Variants in DYM observed in about 807,000 individuals in gnomAD.
DYM encodes the protein dymeclin, also known as dyggve-Melchior-Clausen syndrome protein.
Under a neutral mutation model 93.1 loss-of-function variants are expected in DYM, and 78 were observed. The ratio of observed to expected loss-of-function variants is 0.84; its 90% CI spans 0.70 to 1.01. The LOEUF is 1.01. Among genes scored for constraint, DYM ranks in the 50% least tolerant of loss-of-function variants. DYM has a pLI of 0.00. For missense variants in DYM, 789 were observed against 845.0 expected, an observed-to-expected ratio of 0.93 and a Z score of 0.82; for synonymous variants, 321 against 319.7, an observed-to-expected ratio of 1.00 and a Z score of -0.04.
intron 3 of DYM, among the ~76,000 whole-genome samples, chr18:49,384,378 C>A (rs1474088391): frequency 6.8e-6 from 1 of 146,176 alleles, no homozygotes; most frequent in Non-Finnish European, 1.5e-5. Flanking sequence ...GTAATCCCAG[C>A]ACTTTGGGAG....
intron 8 of DYM, among the ~76,000 whole-genome samples, chr18:49,317,092 A>C (rs1055538017): frequency 2.0e-5 from 3 of 152,224 alleles, no homozygotes; most frequent in African/African-American, 2.4e-5. Flanking sequence ...TGGCTTGTCA[A>C]CTGTCACAAA....
chr18:49,352,869 G>T (rs541160373), intron 6 of DYM, among the ~76,000 whole-genome samples: 73 of 151,982 alleles, frequency 4.8e-4, no homozygotes, highest in Non-Finnish European at 8.8e-4. Context: ...TACATTACTG[G>T]GAGGGTCTGA....
chr18:49,258,839 CAGAGAGAGAGAGAGAGAGAGAGAGAGAG>C (rs61360021), intron 11 of DYM, among the ~76,000 whole-genome samples: 3 of 113,750 alleles, frequency 2.6e-5, no homozygotes, highest in South Asian at 6.3e-4. Flanking sequence ...CACACACACA[CAGAGAGAGAGAGAGAGAGAGAGAGAGAG>C]AGAGAGAGAG....
intron 17 of DYM, chr18:49,048,186 A>G (rs1425194746): frequency 6.6e-6 from 1 of 152,246 alleles, no homozygotes; most frequent in Admixed American, 6.5e-5. Context: ...TGGTCCTTAA[A>G]AAAAGAACCA....
At chr18:49,305,223 G>A (rs2061203991) in intron 8 of DYM, among the ~76,000 whole-genome samples, 1 of 151,804 alleles carries the variant, frequency 6.6e-6, no homozygotes, top group Admixed American at 6.6e-5. Flanking sequence ...TATTTGCCTG[G>A]CAAAACCCTA....
chr18:49,050,742 C>A (rs2072328398), intron 17 of DYM, among the ~76,000 whole-genome samples: 1 of 152,000 alleles, frequency 6.6e-6, no homozygotes, highest in Admixed American at 6.6e-5. Context: ...AAAGTGGCCT[C>A]TCTCGGCTCA....
At position 49,427,995 on chromosome 18, in the gene DYM, G is replaced by C. The variant is rs72642467; in HGVS notation, c.140+2260C>G. Among the ~76,000 whole-genome samples the C allele has an allele frequency of 4.0e-3, 615 of 152,254 alleles. 38 individuals are homozygous for C. The East Asian group carries it at 0.1, about 25-fold the overall frequency. On this transcript the variant is annotated intron_variant, in intron 2 of 17. Coordinates refer to ENST00000675505, the MANE Select transcript of DYM (RefSeq NM_001353214.3). ...GGTCCCAGCTACTCAGGAAGGTGAAGTGGAAGGATCACTTGAGCCCAGGAG... is the reference window on the plus strand; with the variant it reads ...GGTCCCAGCTACTCAGGAAGGTGAACTGGAAGGATCACTTGAGCCCAGGAG...
chr18:49,376,107 T>C (rs977408866), intron 5 of DYM, among the ~76,000 whole-genome samples: 1 of 152,158 alleles, frequency 6.6e-6, no homozygotes, highest in Non-Finnish European at 1.5e-5. Flanking sequence ...GCACTTCACG[T>C]TGTGATCATG....
At chr18:49,192,040 G>A (rs545470516) in intron 14 of DYM, among the ~76,000 whole-genome samples, 36 of 151,104 alleles carry the variant, frequency 2.4e-4, no homozygotes, top group Non-Finnish European at 4.0e-4. Context: ...GGGCTCAAGC[G>A]ATCCTCCTGC....
intron 14 of DYM, among the ~76,000 whole-genome samples, chr18:49,200,486 CATT>C (rs1235366839): frequency 1.3e-5 from 2 of 151,378 alleles, no homozygotes; most frequent in African/African-American, 2.4e-5. Flanking sequence ...TTTTCATAAA[CATT>C]ATGTCAAATG....
At chr18:49,316,126 A>G (rs2061917342) in intron 8 of DYM, among the ~76,000 whole-genome samples, 1 of 152,114 alleles carries the variant, frequency 6.6e-6, no homozygotes, top group Non-Finnish European at 1.5e-5. Context: ...TACTAAAAAT[A>G]CTAAAATTAG....
intron 6 of DYM, among the ~76,000 whole-genome samples, chr18:49,336,112 C>T (rs1302143041): frequency 1.3e-5 from 2 of 152,212 alleles, no homozygotes; most frequent in African/African-American, 4.8e-5. Flanking sequence ...TCGTGCCAGA[C>T]TGCAAATGTA....
intron 2 of DYM, among the ~76,000 whole-genome samples, chr18:49,399,034 G>A (rs1463303304): frequency 2.0e-5 from 3 of 152,148 alleles, no homozygotes; most frequent in Admixed American, 1.3e-4. Context: ...TGTAATCTTC[G>A]AAGCTGCTAA....
chr18:49,041,307 T>C lies in DYM; in HGVS notation c.*2748A>G, dbSNP rs2282545. 5.1e-4 allele frequency among the ~76,000 whole-genome samples: 78 copies of C among 152,300 alleles called. 1 individual carries two copies. In the East Asian group the frequency reaches 0.014, roughly 28 times the overall value. On this transcript the variant is annotated 3_prime_UTR_variant, in exon 18 of 18. Coordinates refer to ENST00000675505, the MANE Select transcript of DYM (RefSeq NM_001353214.3). ...TTAAAAGTAAATATTGTGGCAGAAG[T>C]CTTTGTTGATAAAATGACACAATGC...
At chr18:49,157,096 C>T (rs1005801077) in intron 15 of DYM, among the ~76,000 whole-genome samples, 1 of 151,970 alleles carries the variant, frequency 6.6e-6, no homozygotes, top group South Asian at 2.1e-4. Flanking sequence ...TCAGGAAGCA[C>T]CCTGGGAAGA....
intron 16 of DYM, among the ~76,000 whole-genome samples, chr18:49,113,871 T>C (rs1250038329): frequency 6.6e-6 from 1 of 152,244 alleles, no homozygotes; most frequent in Non-Finnish European, 1.5e-5. Flanking sequence ...TGGATGATAG[T>C]ATTCAACAAA....
intron 15 of DYM, among the ~76,000 whole-genome samples, chr18:49,129,015 C>T (rs140308236): frequency 6.6e-6 from 1 of 152,020 alleles, no homozygotes; most frequent in East Asian, 1.9e-4. Flanking sequence ...CTTCAGAGAC[C>T]TATGACGCTT....
chr18:49,239,168 C>A (rs886595097), intron 13 of DYM, among the ~76,000 whole-genome samples: 4 of 152,110 alleles, frequency 2.6e-5, no homozygotes, highest in Non-Finnish European at 5.9e-5. Context: ...AGATAGTGGA[C>A]ATTTCCTGCT....
chr18:49,130,409 G>A (rs112813206), intron 15 of DYM, among the ~76,000 whole-genome samples: 43 of 152,258 alleles, frequency 2.8e-4, no homozygotes, highest in African/African-American at 8.9e-4. Flanking sequence ...TTTTAACCTC[G>A]GATTCGAATG....
Sources: gnomAD v4.1 joint callset for allele counts (sites outside exome capture counted in the v4.1 genomes callset) on GRCh38, gnomAD v4.1.1 for gene constraint, MANE v1.5 for transcripts, NCBI Gene and HGNC (gene_info 2026-07-23, HGNC 2026-07-21) for gene names.